ELP6: variants seen among roughly 807,000 people sequenced by gnomAD.
The protein encoded by ELP6 is elongator acetyltransferase complex subunit 6.
A neutral mutation model predicts 28.1 loss-of-function variants in ELP6; 23 were observed. The ratio of observed to expected loss-of-function variants is 0.82; its 90% confidence interval spans 0.59 to 1.16. The LOEUF is 1.16. Among genes scored for constraint, ELP6 ranks in the 50% most tolerant of loss-of-function variants. The pLI, the probability that ELP6 is intolerant of heterozygous loss-of-function variation, is 0.00. For synonymous variants in ELP6, 132 were observed against 135.8 expected (o/e 0.97, Z 0.19); for missense variants, 313 against 334.6 (o/e 0.94, Z 0.50).
At chr3:47,505,266 AAAACAAACAAAC>A (rs748661683) in intron 3 of ELP6, among the ~76,000 whole-genome samples, 2 of 152,156 alleles carry the variant, frequency 1.3e-5, no homozygotes, top group Admixed American at 6.6e-5. Flanking sequence ...AACTGTCTCA[AAAACAAACAAAC>A]AAACAAACAA....
intron 3 of ELP6, among the ~76,000 whole-genome samples, chr3:47,509,616 G>A (rs1482362747): frequency 1.3e-5 from 2 of 152,262 alleles, no homozygotes; most frequent in African/African-American, 4.8e-5. Context: ...AAACTCATAC[G>A]GAGAAGGAGA....
At chr3:47,509,738 G>A (rs1708958039) in intron 3 of ELP6, among the ~76,000 whole-genome samples, 1 of 151,940 alleles carries the variant, frequency 6.6e-6, no homozygotes, top group Admixed American at 6.6e-5. Flanking sequence ...TGCTACCTTA[G>A]CCCTTCGAGT....
At chr3:47,506,909 G>A (rs548605106) in intron 3 of ELP6, among the ~76,000 whole-genome samples, 12 of 152,294 alleles carry the variant, frequency 7.9e-5, no homozygotes, top group East Asian at 3.9e-4. Flanking sequence ...GGCTTCAGCC[G>A]GTCCCTCCGT....
At chr3:47,509,743 T>C (rs901756920) in intron 3 of ELP6, among the ~76,000 whole-genome samples, 1 of 151,966 alleles carries the variant, frequency 6.6e-6, no homozygotes, top group Non-Finnish European at 1.5e-5. Context: ...CCTTAGCCCT[T>C]CGAGTAAGGG....
intron 3 of ELP6, among the ~76,000 whole-genome samples, chr3:47,507,269 G>A (rs970025404): frequency 1.3e-5 from 2 of 151,658 alleles, no homozygotes; most frequent in East Asian, 1.9e-4. Context: ...ACTGAGGCAG[G>A]AGAATCACTT....
At chr3:47,511,106 C>G in intron 2 of ELP6, 42 bp downstream of exon 2, 1 of 1,536,024 alleles carries the variant, frequency 6.5e-7, no homozygotes, top group Non-Finnish European at 9.0e-7. Flanking sequence ...ATTTCTGCAC[C>G]CATCTTGGGT....
rs767392913 is a variant in ELP6 at position 47,504,374 on chromosome 3, G to A, written c.279C>T (p.Val93=). 4.3e-6 allele frequency: 7 copies of A among 1,610,350 alleles called. No individual in the cohort carries two copies. The highest frequency in any genetic ancestry group is 3.4e-5 in the Admixed American group (2 of 59,630). The change falls in exon 4 of 7, where the codon GTC becomes GTT. Residue 93 remains valine, a synonymous_variant. Coordinates refer to ENST00000296149, the MANE Select transcript of ELP6 (RefSeq NM_001031703.3). The part of the protein sequence containing the change: ...FLEGLKSAVD[V]VFQAQKEPHP... ...GTGGCTCCTTTTGAGCCTGGAAGAC[G>A]ACGTCCACTGCAGACTTGAGTCCCT...
intron 1 of ELP6, chr3:47,512,881 A>G: frequency 8.1e-6 from 8 of 985,468 alleles, no homozygotes; most frequent in Non-Finnish European, 9.6e-6. Flanking sequence ...CCTATTCTGC[A>G]GTCTCCTCTG....
At chr3:47,497,681 T>C (rs1042792678) in intron 6 of ELP6, among the ~76,000 whole-genome samples, 2 of 150,250 alleles carry the variant, frequency 1.3e-5, no homozygotes, top group African/African-American at 4.9e-5. Flanking sequence ...TCCCAGCACT[T>C]TGGGAAGCAA....
At position 47,513,646 on chromosome 3, in the gene ELP6, C is replaced by G. The variant is rs1406760917; in HGVS notation, c.-56G>C. 2.7e-5 allele frequency: 44 copies of G among 1,607,582 alleles called. No homozygotes were observed. The South Asian group carries it at 4.0e-4, about 15-fold the overall frequency. On this transcript the variant is annotated 5_prime_UTR_variant, in exon 1 of 7. Coordinates refer to ENST00000296149, the MANE Select transcript of ELP6 (RefSeq NM_001031703.3). ...AGAACCCGGAGTGCTGCAGAGACGA[C>G]GGAGGCTGGAGAGCAAAACACACCC...
intron 5 of ELP6, among the ~76,000 whole-genome samples, chr3:47,501,039 T>C (rs948692711): frequency 5.3e-5 from 8 of 152,226 alleles, no homozygotes; most frequent in Non-Finnish European, 8.8e-5. Context: ...CAGCCATTCC[T>C]ATTTTATTGA....
intron 4 of ELP6, chr3:47,503,055 GC>G: frequency 9.7e-7 from 1 of 1,034,264 alleles, no homozygotes; most frequent in Non-Finnish European, 1.2e-6. Context: ...CTGGCCTACT[GC>G]CTTATGCTCC....
At chr3:47,500,301 A>G (rs2108079170) in intron 5 of ELP6, 3 of 999,586 alleles carry the variant, frequency 3.0e-6, no homozygotes, top group Non-Finnish European at 3.6e-6. Context: ...ATATGTGCAT[A>G]TACTTTGAGA....
intron 3 of ELP6, among the ~76,000 whole-genome samples, chr3:47,508,268 G>T (rs908172327): frequency 6.6e-6 from 1 of 152,100 alleles, no homozygotes; most frequent in Non-Finnish European, 1.5e-5. Context: ...TATTGAGATG[G>T]AGTCTTGCTC....
At chr3:47,506,618 G>A (rs953635615) in intron 3 of ELP6, among the ~76,000 whole-genome samples, 4 of 152,150 alleles carry the variant, frequency 2.6e-5, no homozygotes, top group African/African-American at 7.2e-5. Flanking sequence ...GCTCACCAGC[G>A]GTCAGAGTTT....
At position 47,511,115 on chromosome 3, in the gene ELP6, G is replaced by A. The variant is rs1206570206; in HGVS notation, c.133+33C>T. The A allele has an allele frequency of 1.9e-6, 3 of 1,581,710 alleles. No individual in the cohort carries two copies. The Admixed American group carries it at 5.2e-5, about 27-fold the overall frequency. ...TTTATTATTTCTGCACCCATCTTGG[G>A]TTTCTTTTCTACAGCATCAATGAGT... is the stretch of plus-strand genomic sequence containing the variant. On this transcript the variant is annotated intron_variant, in intron 2 of 6. Transcript: ENST00000296149.
At chr3:47,499,935 G>T in intron 5 of ELP6, 1 of 1,349,680 alleles carries the variant, frequency 7.4e-7, no homozygotes, top group African/African-American at 1.5e-5. Flanking sequence ...CGTCGTGCCT[G>T]CAGCTTCCGA....
chr3:47,506,449 C>T (rs1576346935), intron 3 of ELP6, among the ~76,000 whole-genome samples: 1 of 152,126 alleles, frequency 6.6e-6, no homozygotes, highest in African/African-American at 2.4e-5. Context: ...CCTACAGCCT[C>T]GACCATAGAA....
At chr3:47,499,681 A>C (rs894017115) in intron 5 of ELP6, 44 of 910,046 alleles carry the variant, frequency 4.8e-5, no homozygotes, top group Non-Finnish European at 5.4e-5. Context: ...CAACAAGAGC[A>C]AAACTCCGTC....
Sources: allele counts gnomAD v4.1 joint callset (sites outside exome capture counted in the v4.1 genomes callset), GRCh38; gene constraint gnomAD v4.1.1; transcripts MANE v1.5; gene names NCBI Gene and HGNC (gene_info 2026-07-23, HGNC 2026-07-21).